The following FARP1 variants were observed in gnomAD, a reference collection of about 807,000 sequenced individuals.
FARP1 encodes the protein FERM, ARHGEF and pleckstrin domain-containing protein 1.
In FARP1, 52 loss-of-function variants were observed where a neutral mutation model predicts 128.8. That is an observed-to-expected ratio of 0.40 (90% CI 0.32 to 0.51). The LOEUF is 0.51. Ranked by LOEUF, FARP1 falls within the 20% of genes least tolerant of loss-of-function variation. FARP1 has a pLI of 0.45. For missense variants in FARP1, 1,333 were observed against 1,367.9 expected (o/e 0.97, Z 0.40); for synonymous variants, 580 against 551.8 (o/e 1.05, Z -0.72).
At chr13:98,332,090 C>T (rs1284735010) in intron 2 of FARP1, among the ~76,000 whole-genome samples, 1 of 151,788 alleles carries the variant, frequency 6.6e-6, no homozygotes, top group Non-Finnish European at 1.5e-5. Flanking sequence ...CGTAACATAA[C>T]TTTACCATTT....
chr13:98,450,222 G>GGCCCCTGCATGATACAGTCCCTGTGC lies in FARP1; in HGVS notation c.*1906_*1931dup, dbSNP rs1893121733. ...GATACTCGTTTTCTTGAGCTTTATT[G>GGCCCCTGCATGATACAGTCCCTGTGC]GCCCCTGCATGATACAGTCCCTGTG... On this transcript the variant is annotated 3_prime_UTR_variant, in exon 27 of 27. Transcript: ENST00000319562. 1 of 140,604 alleles carries GGCCCCTGCATGATACAGTCCCTGTGC rather than the reference G, an allele frequency of 7.1e-6. No individual in the cohort carries two copies. The highest frequency in any genetic ancestry group is 2.2e-4 in the South Asian group (1 of 4,462). 8.7% of individuals were successfully genotyped at this position (140,604 alleles called of 1,614,324 possible).
At chr13:98,147,530 A>C (rs1217263401) in intron 1 of FARP1, among the ~76,000 whole-genome samples, 1 of 152,134 alleles carries the variant, frequency 6.6e-6, no homozygotes, top group African/African-American at 2.4e-5. Context: ...TTATGTGCAG[A>C]CTTTTGACGA....
chr13:98,207,876 A>G (rs1880365903), intron 1 of FARP1, among the ~76,000 whole-genome samples: 1 of 147,306 alleles, frequency 6.8e-6, no homozygotes, highest in Admixed American at 6.9e-5. Flanking sequence ...AACTGACTTC[A>G]TAATGAATAT....
chr13:98,206,946 C>A (rs559817497), intron 1 of FARP1, among the ~76,000 whole-genome samples: 2 of 152,262 alleles, frequency 1.3e-5, no homozygotes, highest in Middle Eastern at 3.4e-3. Context: ...CAGAATAGAG[C>A]ATAGGTTAAT....
At chr13:98,192,603 C>A (rs1474554177) in intron 1 of FARP1, among the ~76,000 whole-genome samples, 1 of 152,088 alleles carries the variant, frequency 6.6e-6, no homozygotes, top group African/African-American at 2.4e-5. Context: ...GTTGGCCAGG[C>A]TGGTCTCCAA....
chr13:98,332,739 T>C (rs1456181270), intron 2 of FARP1: 1 of 152,246 alleles, frequency 6.6e-6, no homozygotes, highest in Non-Finnish European at 1.5e-5. Context: ...AGAAAGTGTC[T>C]GTAAACAGAA....
At chr13:98,212,538 G>GATGATTGTTTTTAGGAAA (rs1395658359) in intron 1 of FARP1, among the ~76,000 whole-genome samples, 4 of 149,500 alleles carry the variant, frequency 2.7e-5, no homozygotes, top group African/African-American at 9.9e-5. Flanking sequence ...GGGGAGGAAA[G>GATGATTGTTTTTAGGAAA]ATGATTGTTT....
intron 2 of FARP1, among the ~76,000 whole-genome samples, chr13:98,253,479 T>C (rs1367938424): frequency 1.3e-5 from 2 of 152,142 alleles, no homozygotes; most frequent in African/African-American, 4.8e-5. Context: ...AGACAAAAAC[T>C]GGATTTGGAC....
chr13:98,345,952 A>G (rs1888161146), intron 3 of FARP1, among the ~76,000 whole-genome samples: 1 of 152,192 alleles, frequency 6.6e-6, no homozygotes, highest in African/African-American at 2.4e-5. Context: ...CTAGGTTCAC[A>G]TATAGTGTTT....
At chr13:98,247,748 C>T (rs371677839) in intron 2 of FARP1, among the ~76,000 whole-genome samples, 3 of 150,880 alleles carry the variant, frequency 2.0e-5, no homozygotes, top group Non-Finnish European at 3.0e-5. Context: ...GTAGATGATG[C>T]GGATTGGGAG....
chr13:98,233,591 T>C (rs1420838624), intron 2 of FARP1: 2 of 152,320 alleles, frequency 1.3e-5, no homozygotes, highest in Admixed American at 6.5e-5. Context: ...TTAAATGTTA[T>C]TACAAGTCCT....
Position 98,213,316 on chromosome 13 carries a change from T to C in FARP1, c.74T>C (p.Leu25Ser), listed in dbSNP as rs1880845107. 1 of 1,614,118 alleles carries C rather than the reference T, an allele frequency of 6.2e-7. No homozygotes were observed. The highest frequency in any genetic ancestry group is 8.5e-7 in the Non-Finnish European group (1 of 1,180,006). ...GAPENSGIST[L>S]ERGQKPPPTP... ...CCGGAAAATTCGGGGATCAGTACCT[T>C]GGAACGTGGACAGAAGCCGCCCCCA... is the stretch of plus-strand genomic sequence containing the variant. The change falls in exon 2 of 27, where the codon TTG (leucine) becomes TCG (serine). Residue 25 changes from leucine to serine, a missense_variant. Leu to Ser is a moderately radical substitution (Grantham distance 145). Around this residue, in one of 2 missense-constraint regions of FARP1, gnomAD observed 324 missense variants for 398.1 expected, o/e 0.81. Coordinates refer to ENST00000319562, the MANE Select transcript of FARP1 (RefSeq NM_005766.4).
chr13:98,400,145 T>A (rs1172852423), intron 13 of FARP1: 1 of 152,218 alleles, frequency 6.6e-6, no homozygotes, highest in African/African-American at 2.4e-5. Context: ...CTCAAGAACT[T>A]ATTTGAAGAT....
intron 1 of FARP1, among the ~76,000 whole-genome samples, chr13:98,150,046 C>G (rs1566665275): frequency 3.5e-5 from 5 of 144,464 alleles, no homozygotes; most frequent in East Asian, 2.1e-4. Flanking sequence ...CAAATATTTA[C>G]TTTTTTTTTG....
At chr13:98,164,979 C>T (rs1055485241) in intron 1 of FARP1, among the ~76,000 whole-genome samples, 1 of 152,016 alleles carries the variant, frequency 6.6e-6, no homozygotes, top group African/African-American at 2.4e-5. Flanking sequence ...CTTTGGGAAG[C>T]CGAGGTGGGT....
chr13:98,348,256 T>A (rs1450156294), intron 3 of FARP1, among the ~76,000 whole-genome samples: 1 of 152,270 alleles, frequency 6.6e-6, no homozygotes, highest in Non-Finnish European at 1.5e-5. Context: ...GCTCTTGCTC[T>A]TGTCCAGCAC....
At chr13:98,384,699 G>A (rs536329134) in intron 6 of FARP1, 31 bp from the exon 7 acceptor site, 12 of 1,353,090 alleles carry the variant, frequency 8.9e-6, no homozygotes, top group African/African-American at 7.2e-5. Context: ...TCATTCCTAC[G>A]TGACCTGTTT....
rs559621188 is a variant in FARP1 at position 98,358,506 on chromosome 13, G to T, written c.277-6889G>T. Reference sequence around the variant, plus strand: ...AAGTGAAAATCTCTAGAAAGTGATAGGTGTTTACAAGAAAGCCACACTTAA... The same window carrying T: ...AAGTGAAAATCTCTAGAAAGTGATATGTGTTTACAAGAAAGCCACACTTAA... On this transcript the variant is annotated intron_variant, in intron 3 of 26. Transcript: ENST00000319562. Among the ~76,000 whole-genome samples the T allele has an allele frequency of 3.3e-5, 5 of 152,042 alleles. No homozygotes were observed. The South Asian group carries it at 1.0e-3, about 32-fold the overall frequency.
intron 2 of FARP1, among the ~76,000 whole-genome samples, chr13:98,315,287 G>T (rs1288587480): frequency 6.6e-6 from 1 of 152,040 alleles, no homozygotes; most frequent in Non-Finnish European, 1.5e-5. Context: ...TAACGTTTTT[G>T]CTGAGACAGA....
Sources: gnomAD v4.1 joint callset for allele counts (sites outside exome capture counted in the v4.1 genomes callset) on GRCh38, gnomAD v4.1.1 for gene constraint, gnomAD v4.1.1 regional missense constraint, MANE v1.5 for transcripts, NCBI Gene and HGNC (gene_info 2026-07-23, HGNC 2026-07-21) for gene names.